Variants in DCLRE1C observed in about 807,000 individuals in gnomAD.
The protein encoded by DCLRE1C is DNA cross-link repair 1C.
Under a neutral mutation model 61.4 loss-of-function variants are expected in DCLRE1C, and 47 were observed. The ratio of observed to expected loss-of-function variants is 0.77; its 90% confidence interval spans 0.61 to 0.98. DCLRE1C has a LOEUF of 0.98. DCLRE1C is among the 50% of genes least tolerant of loss of function. DCLRE1C has a pLI of 0.00. For synonymous variants in DCLRE1C, 337 were observed against 287.6 expected (o/e 1.17, Z -1.74); for missense variants, 858 against 816.0 (o/e 1.05, Z -0.63).
chr10:14,913,046 G>A (rs907813769), intron 13 of DCLRE1C, among the ~76,000 whole-genome samples: 17 of 150,722 alleles, frequency 1.1e-4, no homozygotes, highest in Admixed American at 8.0e-4. Context: ...TAGTAGAGAC[G>A]GGGTTTCACC....
At chr10:14,945,629 T>C in intron 2 of DCLRE1C, 5 of 925,644 alleles carry the variant, frequency 5.4e-6, no homozygotes, top group Non-Finnish European at 6.5e-6. Flanking sequence ...CAGAAACTTC[T>C]GCTTTTTACT....
intron 8 of DCLRE1C, 40 bp downstream of exon 8, chr10:14,934,340 A>G: frequency 4.4e-6 from 7 of 1,597,144 alleles, no homozygotes; most frequent in East Asian, 2.2e-5. Flanking sequence ...AAAAAAAAAA[A>G]AAAGAAAAAA....
chr10:14,952,882 T>C (rs1234960624), intron 1 of DCLRE1C, among the ~76,000 whole-genome samples: 1 of 152,144 alleles, frequency 6.6e-6, no homozygotes, highest in East Asian at 1.9e-4. Context: ...ATAGTCCAAG[T>C]GATTGATTCC....
At chr10:14,920,487 G>C in intron 12 of DCLRE1C, 2 of 960,084 alleles carry the variant, frequency 2.1e-6, no homozygotes, top group Non-Finnish European at 2.5e-6. Context: ...TGCCCAACCT[G>C]AAACTTCTTT....
intron 3 of DCLRE1C, among the ~76,000 whole-genome samples, chr10:14,942,798 G>A (rs1369605412): frequency 6.6e-6 from 1 of 152,096 alleles, no homozygotes; most frequent in South Asian, 2.1e-4. Context: ...GCCCAAATGT[G>A]GGTAGGAGGG....
chr10:14,938,463 G>A (rs1409021720), intron 4 of DCLRE1C, among the ~76,000 whole-genome samples: 1 of 151,982 alleles, frequency 6.6e-6, no homozygotes, highest in Non-Finnish European at 1.5e-5. Context: ...AGAAATATCT[G>A]AAAAGGTCAG....
chr10:14,953,811 G>A, intron 1 of DCLRE1C, 91 bp downstream of exon 1: 2 of 1,571,840 alleles, frequency 1.3e-6, no homozygotes, highest in Non-Finnish European at 1.7e-6. Flanking sequence ...CTTCCCACAG[G>A]CTGCAGCTCC....
chr10:14,924,827 A>G (rs1837692452), intron 11 of DCLRE1C, among the ~76,000 whole-genome samples: 1 of 152,132 alleles, frequency 6.6e-6, no homozygotes, highest in Non-Finnish European at 1.5e-5. Context: ...AGCCTGGGCA[A>G]TAAAGCGAGA....
rs1841517037 is a variant in DCLRE1C, at chr10:14,945,360, A to C, written c.162-171T>G. The C allele has an allele frequency of 4.4e-6, 6 of 1,367,368 alleles. No individual in the cohort carries two copies. The African/African-American group carries it at 7.4e-5, about 17-fold the overall frequency. 84.7% of individuals were successfully genotyped at this position (1,367,368 alleles called of 1,614,324 possible). The stretch of plus-strand genomic sequence containing the variant: ...AAATACTAGCCTGGCATGGTTATGA[A>C]ATCTATTTCATCATACATCTAATAA... On this transcript the variant is annotated intron_variant, in intron 2 of 13. Transcript: ENST00000378278.
intron 3 of DCLRE1C, among the ~76,000 whole-genome samples, chr10:14,941,834 C>G (rs1191396908): frequency 6.6e-6 from 1 of 152,110 alleles, no homozygotes; most frequent in Non-Finnish European, 1.5e-5. Flanking sequence ...AGTCCACATT[C>G]ACACATTTTC....
intron 3 of DCLRE1C, among the ~76,000 whole-genome samples, chr10:14,943,263 C>T (rs1174207020): frequency 3.3e-5 from 5 of 152,184 alleles, no homozygotes; most frequent in African/African-American, 1.2e-4. Flanking sequence ...TCAGATCAAG[C>T]ACTGGGTGAC....
In DCLRE1C at chr10:14,908,560, C is replaced by T. The variant is rs1218204724; in HGVS notation, c.1927G>A (p.Ala643Thr). 1.9e-6 allele frequency: 3 copies of T among 1,613,988 alleles called. No individual in the cohort carries two copies. In the African/African-American group the frequency reaches 4.0e-5, roughly 22 times the overall value. ...AAATCAGAAGAGCTCTGGGAATCTGCATTTGTGCTAAGATTTAGCAAACTT... is the reference window on the plus strand; with the variant it reads ...AAATCAGAAGAGCTCTGGGAATCTGTATTTGTGCTAAGATTTAGCAAACTT... The part of the protein sequence containing the change: ...EKSLLNLSTN[A>T]DSQSSSDFEV... The change falls in exon 14 of 14, where the codon GCA (alanine) becomes ACA (threonine). Residue 643 changes from alanine (A) to threonine (T), a missense_variant. Ala to Thr is a moderately conservative substitution (Grantham distance 58). Coordinates refer to ENST00000378278, the MANE Select transcript of DCLRE1C (RefSeq NM_001033855.3).
chr10:14,934,736 G>T lies in DCLRE1C; in HGVS notation c.504C>A (p.Phe168Leu). 1.2e-6 allele frequency: 2 copies of T among 1,613,952 alleles called. No individual in the cohort carries two copies. Among genetic ancestry groups the T allele is most frequent in the Non-Finnish European group, 1.7e-6 (2 of 1,179,856 alleles). ...GAATTTGGTAAAATCTTGGATCACA[G>T]AACGTAGTATCCAAATATACACTTT... Reference protein sequence around the residue: ...DIQSVYLDTTFCDPRFYQIPS... With the variant: ...DIQSVYLDTTLCDPRFYQIPS... The change falls in exon 7 of 14, where the codon TTC becomes TTA. Residue 168 changes from phenylalanine to leucine, a missense_variant. By Grantham distance (22) the Phe-to-Leu change is conservative. This residue lies in a region of DCLRE1C where 843 missense variants were observed against 783.5 expected (regional missense o/e 1.08). Transcript: ENST00000378278.
At position 14,919,805 on chromosome 10, in the gene DCLRE1C, T is replaced by C; in HGVS notation, c.1089A>G (p.Gln363=). 1 of 1,613,988 alleles carries C rather than the reference T, an allele frequency of 6.2e-7. No individual in the cohort carries two copies. The highest frequency in any genetic ancestry group is 1.3e-5 in the African/African-American group (1 of 75,040). ...GTGGTTTATACTTTGGCTCCGTACT[T>C]TGGGAAGACCGGCATAAAGGCTTTA... is the stretch of plus-strand genomic sequence containing the variant. The part of the protein sequence containing the change: ...EILKPLCRSS[Q]STEPKYKPLG... Residue 363 remains glutamine, a synonymous_variant, in exon 13 of 14, where the codon CAA becomes CAG. Transcript: ENST00000378278.
chr10:14,902,404 A>G, downstream of DCLRE1C: 1 of 1,591,080 alleles, frequency 6.3e-7, no homozygotes, highest in Non-Finnish European at 8.6e-7. Flanking sequence ...CTGTGTCTTC[A>G]GGTTCTGGAG....
intron 3 of DCLRE1C, among the ~76,000 whole-genome samples, chr10:14,940,750 T>C (rs2131041240): frequency 6.6e-6 from 1 of 152,362 alleles, no homozygotes; most frequent in Admixed American, 6.5e-5. Context: ...TTACAGTGTC[T>C]AAGGTTTGGG....
intron 3 of DCLRE1C, among the ~76,000 whole-genome samples, chr10:14,943,986 C>T (rs1841285339): frequency 6.6e-6 from 1 of 152,144 alleles, no homozygotes; most frequent in African/African-American, 2.4e-5. Context: ...ACTTTTTCCT[C>T]CCCTTGACTA....
At chr10:14,950,763 C>T (rs1051533466) in intron 1 of DCLRE1C, among the ~76,000 whole-genome samples, 1 of 152,210 alleles carries the variant, frequency 6.6e-6, no homozygotes. Context: ...CATCATGGTC[C>T]CCCATCCTCA....
downstream of DCLRE1C, among the ~76,000 whole-genome samples, chr10:14,902,014 G>A (rs990717841): frequency 1.3e-5 from 2 of 152,040 alleles, no homozygotes; most frequent in Non-Finnish European, 2.9e-5. Context: ...TAAGAATGAT[G>A]GCCTTTACAT....
Sources: allele counts gnomAD v4.1 joint callset (sites outside exome capture counted in the v4.1 genomes callset), GRCh38; gene constraint gnomAD v4.1.1; regional missense constraint gnomAD v4.1.1; transcripts MANE v1.5; gene names NCBI Gene and HGNC (gene_info 2026-07-23, HGNC 2026-07-21).